RAG1: variants seen among roughly 807,000 people sequenced by gnomAD.
RAG1 encodes recombination activating 1, also known as V(D)J recombination-activating protein 1.
A neutral mutation model predicts 62.7 loss-of-function variants in RAG1; 35 were observed. The observed-to-expected ratio is 0.56, with a 90% CI of 0.43 to 0.74. The LOEUF (loss-of-function observed/expected upper bound fraction) is 0.74. RAG1 is among the 30% of genes least tolerant of loss of function. The pLI is 0.00. For missense variants in RAG1, 1,169 were observed against 1,278.6 expected (o/e 0.91, Z 1.31); for synonymous variants, 461 against 470.3 (o/e 0.98, Z 0.26).
chr11:36,533,978 A>G (rs1410228468), intron 2 of RAG1, among the ~76,000 whole-genome samples: 1 of 152,030 alleles, frequency 6.6e-6, no homozygotes, highest in African/African-American at 2.4e-5. Context: ...AGGTATTTTT[A>G]GCTCTTTAAA....
At chr11:36,572,595 T>C (rs752251772) in intron 1 of RAG1, among the ~76,000 whole-genome samples, 5 of 152,206 alleles carry the variant, frequency 3.3e-5, no homozygotes, top group African/African-American at 4.8e-5. Flanking sequence ...GGTTTAGAGT[T>C]CCGTGTTTTT....
At chr11:36,534,021 T>C (rs1311274071) in intron 2 of RAG1, among the ~76,000 whole-genome samples, 1 of 152,092 alleles carries the variant, frequency 6.6e-6, no homozygotes, top group South Asian at 2.1e-4. Flanking sequence ...GCATTATAAT[T>C]AGCTTTTCCT....
intron 3 of RAG1, among the ~76,000 whole-genome samples, chr11:36,557,406 G>A (rs1430255653): frequency 5.8e-5 from 8 of 138,644 alleles, no homozygotes; most frequent in Non-Finnish European, 1.5e-5. Flanking sequence ...TCTTTGACTC[G>A]GAAAGGGAAC....
intron 1 of RAG1, among the ~76,000 whole-genome samples, 161 bp downstream of exon 1, chr11:36,568,283 AG>A (rs1850688540): frequency 6.6e-6 from 1 of 152,220 alleles, no homozygotes; most frequent in South Asian, 2.1e-4. Flanking sequence ...AAAAGGTACA[AG>A]AGGCCAAGTT....
chr11:36,535,549 G>A (rs1417835980), intron 2 of RAG1, among the ~76,000 whole-genome samples: 1 of 152,116 alleles, frequency 6.6e-6, no homozygotes, highest in African/African-American at 2.4e-5. Context: ...TTCGAGACCA[G>A]CCTGGCCAAC....
At chr11:36,546,680 T>C (rs1448449921) in intron 3 of RAG1, among the ~76,000 whole-genome samples, 5 of 152,332 alleles carry the variant, frequency 3.3e-5, no homozygotes, top group Non-Finnish European at 5.9e-5. Context: ...GTCAATGGAC[T>C]TTACAATTTG....
At chr11:36,551,839 T>A (rs1850491319) in intron 3 of RAG1, among the ~76,000 whole-genome samples, 1 of 147,064 alleles carries the variant, frequency 6.8e-6, no homozygotes, top group Non-Finnish European at 1.5e-5. Context: ...TTCCCACCTA[T>A]GAGTGAGAAT....
downstream of RAG1, among the ~76,000 whole-genome samples, chr11:36,540,667 A>T (rs1488568613): frequency 1.3e-5 from 2 of 152,098 alleles, no homozygotes; most frequent in Non-Finnish European, 2.9e-5. Context: ...TGGTCTCCCA[A>T]AGTGCTGGGA....
In RAG1 at chr11:36,574,882, G is replaced by A. The variant is rs143289774; in HGVS notation, c.1578G>A (p.Leu526=). The A allele has an allele frequency of 1.3e-4, 208 of 1,614,224 alleles. No individual in the cohort carries two copies. The African/African-American group carries it at 2.5e-3, about 19-fold the overall frequency. The change falls in exon 2 of 2, where the codon CTG becomes CTA. Residue 526 remains leucine (L), a synonymous_variant. Coordinates refer to ENST00000299440, the MANE Select transcript of RAG1 (RefSeq NM_000448.3). ...ACCACTTTGAGTGGCAGCCACCTCT[G>A]AAGAATGTGTCTTCCAGCACTGATG... ...GYHHFEWQPP[L]KNVSSSTDVG...
chr11:36,511,704 C>T (rs912139360), intron 1 of RAG1, among the ~76,000 whole-genome samples: 2 of 152,144 alleles, frequency 1.3e-5, no homozygotes, highest in Admixed American at 6.5e-5. Flanking sequence ...AAAAATAAAA[C>T]ATTGCCAGCC....
chr11:36,568,944 A>G (rs1456005055), intron 1 of RAG1, among the ~76,000 whole-genome samples: 1 of 152,212 alleles, frequency 6.6e-6, no homozygotes, highest in Non-Finnish European at 1.5e-5. Flanking sequence ...CAAAAAACAG[A>G]CGATAGTATT....
intron 2 of RAG1, among the ~76,000 whole-genome samples, chr11:36,529,423 G>A (rs143894525): frequency 3.3e-5 from 5 of 152,074 alleles, no homozygotes; most frequent in African/African-American, 1.2e-4. Flanking sequence ...TATAGAAAAG[G>A]TCTTCGACAA....
At chr11:36,519,500 T>C (rs1259737495) in intron 1 of RAG1, among the ~76,000 whole-genome samples, 1 of 152,234 alleles carries the variant, frequency 6.6e-6, no homozygotes, top group Non-Finnish European at 1.5e-5. Context: ...ACTGCACTTA[T>C]AGTAAATTAA....
At chr11:36,557,382 G>T (rs1261345876) in intron 3 of RAG1, among the ~76,000 whole-genome samples, 1 of 130,088 alleles carries the variant, frequency 7.7e-6, no homozygotes, top group Non-Finnish European at 1.6e-5. Context: ...TTCCAGGTGC[G>T]TCCGTCACCC....
chr11:36,566,011 C>T (rs1228143850), upstream of RAG1: 1 of 151,958 alleles, frequency 6.6e-6, no homozygotes, highest in Admixed American at 6.6e-5. Context: ...TGTGATTTTT[C>T]CTAATTATAA....
At chr11:36,566,955 G>A (rs533793434), upstream of RAG1, among the ~76,000 whole-genome samples, 4 of 152,338 alleles carry the variant, frequency 2.6e-5, no homozygotes, top group South Asian at 2.1e-4. Context: ...AATCAGACAA[G>A]CAAGGAATCT....
downstream of RAG1, among the ~76,000 whole-genome samples, chr11:36,538,325 C>T (rs545621037): frequency 2.0e-3 from 299 of 152,252 alleles, 1 homozygote; most frequent in Non-Finnish European, 2.8e-3. Flanking sequence ...CAGCTGCAGT[C>T]CCAAATGCTA....
chr11:36,543,338 G>A (rs895723583), intron 3 of RAG1, among the ~76,000 whole-genome samples: 2 of 152,190 alleles, frequency 1.3e-5, no homozygotes, highest in South Asian at 2.1e-4. Flanking sequence ...GAGAACCCAC[G>A]GTATGCTTGC....
chr11:36,524,983 G>A (rs376811925), intron 2 of RAG1, among the ~76,000 whole-genome samples: 3 of 151,910 alleles, frequency 2.0e-5, no homozygotes, highest in Non-Finnish European at 2.9e-5. Flanking sequence ...TGAGACTTAG[G>A]TCAAGTCTTT....
Sources: allele counts gnomAD v4.1 joint callset (sites outside exome capture counted in the v4.1 genomes callset), GRCh38; gene constraint gnomAD v4.1.1; transcripts MANE v1.5; gene names NCBI Gene and HGNC (gene_info 2026-07-23, HGNC 2026-07-21).